LRTM3: variants seen among roughly 807,000 people sequenced by gnomAD.
LRTM3 encodes the protein leucine-rich repeat transmembrane protein 3.
the LRTM3 span, chr13:102,741,847 A>G: frequency 1.3e-6 from 2 of 1,550,238 alleles, no homozygotes; most frequent in African/African-American, 2.7e-5. Context: ...TTCGTGGGGC[A>G]TCGAAACTAC....
chr13:102,756,272 AT>A, the LRTM3 span, among the ~76,000 whole-genome samples: 4 of 150,038 alleles, frequency 2.7e-5, no homozygotes, highest in African/African-American at 9.8e-5. Context: ...ACTATTCTTC[AT>A]GATATTCCTA....
the LRTM3 span, chr13:102,748,204 C>T: frequency 6.4e-7 from 1 of 1,551,004 alleles, no homozygotes; most frequent in African/African-American, 1.4e-5. Context: ...TATCTTGATG[C>T]ATATTTGTTA....
chr13:102,738,719 A>G, the LRTM3 span: 3 of 1,550,554 alleles, frequency 1.9e-6, no homozygotes, highest in Non-Finnish European at 2.6e-6. Flanking sequence ...TTTTATTCTC[A>G]TGGCTTCCTC....
the LRTM3 span, among the ~76,000 whole-genome samples, chr13:102,753,941 T>A: frequency 6.6e-6 from 1 of 152,096 alleles, no homozygotes; most frequent in African/African-American, 2.4e-5. Context: ...CTGGGCGGGG[T>A]GGCTCACGCC....
At chr13:102,747,351 T>A in the LRTM3 span, 2 of 1,549,770 alleles carry the variant, frequency 1.3e-6, no homozygotes, top group Admixed American at 3.9e-5. Flanking sequence ...TTGCCTCCCA[T>A]TTTTTTCCTG....
At chr13:102,743,852 G>A in the LRTM3 span, 6 of 1,550,440 alleles carry the variant, frequency 3.9e-6, no homozygotes, top group Admixed American at 2.0e-5. Context: ...TAACTGTGCT[G>A]TGTTCCTCTG....
At chr13:102,735,176 CTG>C in the LRTM3 span, 1 of 1,551,336 alleles carries the variant, frequency 6.4e-7, no homozygotes, top group Non-Finnish European at 8.7e-7. Flanking sequence ...ATCACTGAAA[CTG>C]TGCGTATGTA....
At chr13:102,754,207 A>AG in the LRTM3 span, among the ~76,000 whole-genome samples, 3 of 57,412 alleles carry the variant, frequency 5.2e-5, no homozygotes, top group African/African-American at 1.2e-4. Flanking sequence ...TCCATCTCCA[A>AG]AAAAAAAAAA....
the LRTM3 span, chr13:102,731,321 A>G: frequency 6.4e-7 from 1 of 1,551,288 alleles, no homozygotes; most frequent in East Asian, 2.4e-5. Context: ...TCTAGAATAG[A>G]ACCTCCAACT....
At chr13:102,747,981 G>A in the LRTM3 span, 186 of 1,550,994 alleles carry the variant, frequency 1.2e-4, no homozygotes, top group Middle Eastern at 1.0e-3. Context: ...CTATCACATT[G>A]TTGTGGCTTT....
At chr13:102,738,436 G>A in the LRTM3 span, 5 of 1,550,610 alleles carry the variant, frequency 3.2e-6, no homozygotes, top group African/African-American at 5.5e-5. Flanking sequence ...TGGAAGCGCA[G>A]GCATTTGTCA....
chr13:102,730,697 A>G, the LRTM3 span: 1 of 1,551,978 alleles, frequency 6.4e-7, no homozygotes, highest in Non-Finnish European at 8.7e-7. Flanking sequence ...TTCTGTATCA[A>G]TGGAAAGACT....
chr13:102,731,135 T>C, the LRTM3 span: 10 of 1,551,430 alleles, frequency 6.4e-6, no homozygotes, highest in East Asian at 2.2e-4. Flanking sequence ...AGATGTTCCA[T>C]TTTCTAGCTT....
the LRTM3 span, chr13:102,737,517 C>T: frequency 3.2e-5 from 50 of 1,550,366 alleles, no homozygotes; most frequent in Non-Finnish European, 4.3e-5. Context: ...CCTTGCTCCT[C>T]ACCTTCTCCG....
chr13:102,756,446 G>T, the LRTM3 span, among the ~76,000 whole-genome samples: 6 of 151,760 alleles, frequency 4.0e-5, no homozygotes, highest in Non-Finnish European at 7.4e-5. Flanking sequence ...GCCCAGGTAG[G>T]TGGATCACCT....
the LRTM3 span, chr13:102,745,033 AT>A: frequency 1.3e-6 from 2 of 1,550,868 alleles, no homozygotes; most frequent in Non-Finnish European, 1.7e-6. Context: ...ATATTGTGCC[AT>A]TTTGGGTCTG....
chr13:102,754,277 C>A, the LRTM3 span, among the ~76,000 whole-genome samples: 1 of 150,132 alleles, frequency 6.7e-6, no homozygotes, highest in Non-Finnish European at 1.5e-5. Context: ...GTAAGATCAG[C>A]AGTTTGCTTT....
At chr13:102,749,910 T>C in the LRTM3 span, 2 of 1,551,200 alleles carry the variant, frequency 1.3e-6, no homozygotes, top group Middle Eastern at 1.7e-4. Flanking sequence ...CCTAACTTAG[T>C]TTTGGGTTTT....
the LRTM3 span, chr13:102,732,163 T>A: frequency 1.3e-6 from 2 of 1,551,380 alleles, no homozygotes; most frequent in Non-Finnish European, 1.7e-6. Flanking sequence ...TAGTGTTTGG[T>A]GATTTTTCCT....
Sources: gnomAD v4.1 joint callset for allele counts (sites outside exome capture counted in the v4.1 genomes callset) on GRCh38, gnomAD v4.1.1 for gene constraint, MANE v1.5 for transcripts, NCBI Gene and HGNC (gene_info 2026-07-23, HGNC 2026-07-21) for gene names.